TOX: variants seen among roughly 807,000 people sequenced by gnomAD.
TOX encodes the protein thymocyte selection-associated high mobility group box protein TOX.
A neutral mutation model predicts 53.7 loss-of-function variants in TOX; 11 were observed. That is an observed-to-expected ratio of 0.20 (90% CI 0.13 to 0.34). The LOEUF (loss-of-function observed/expected upper bound fraction) is 0.34, where lower values mean the gene tolerates loss of function less well. TOX is among the 10% of genes least tolerant of loss of function. The probability of loss-of-function intolerance (pLI) is 1.00; values close to 1 mark genes in which losing one functional copy is unlikely to be tolerated. For missense variants in TOX, 570 were observed against 664.6 expected (o/e 0.86, Z 1.56); for synonymous variants, 225 against 245.3 (o/e 0.92, Z 0.77).
intron 1 of TOX, among the ~76,000 whole-genome samples, chr8:58,983,627 A>T (rs1262375771): frequency 3.3e-5 from 5 of 152,264 alleles, no homozygotes; most frequent in Non-Finnish European, 5.9e-5. Context: ...ATGAATAAAA[A>T]TAATTAAGCC....
chr8:58,880,592 C>T (rs918274874), intron 3 of TOX, among the ~76,000 whole-genome samples: 1 of 152,164 alleles, frequency 6.6e-6, no homozygotes, highest in Non-Finnish European at 1.5e-5. Context: ...CATTCTCTCT[C>T]TTTCTGCTAG....
chr8:59,093,164 C>T (rs1218506928), intron 1 of TOX, among the ~76,000 whole-genome samples: 1 of 152,224 alleles, frequency 6.6e-6, no homozygotes, highest in Non-Finnish European at 1.5e-5. Context: ...TTAATCCTTT[C>T]TGTTCTTCCT....
In TOX at chr8:59,100,172, A is replaced by C. The variant is rs1804782740; in HGVS notation, c.102+18714T>G. Among the ~76,000 whole-genome samples, 3 of 152,376 alleles carry C rather than the reference A, an allele frequency of 2.0e-5. No individual in the cohort carries two copies. The South Asian group carries it at 6.2e-4, about 32-fold the overall frequency. On this transcript the variant is annotated intron_variant, in intron 1 of 8. Transcript: ENST00000361421. ...AACATCATAATTCTCAGGTTGCTACAGACACAAACACACTATTAATAATGT... is the reference window on the plus strand; with the variant it reads ...AACATCATAATTCTCAGGTTGCTACCGACACAAACACACTATTAATAATGT...
intron 1 of TOX, among the ~76,000 whole-genome samples, chr8:59,051,798 A>C (rs1803795093): frequency 6.6e-6 from 1 of 152,178 alleles, no homozygotes; most frequent in South Asian, 2.1e-4. Context: ...TGATGGAAAA[A>C]GTTGAATTGG....
At chr8:59,012,785 C>T (rs976626644) in intron 1 of TOX, among the ~76,000 whole-genome samples, 1 of 152,060 alleles carries the variant, frequency 6.6e-6, no homozygotes, top group African/African-American at 2.4e-5. Flanking sequence ...GAAGGGGACT[C>T]ACCATCTTTC....
intron 7 of TOX, among the ~76,000 whole-genome samples, chr8:58,812,566 G>A (rs189579151): frequency 6.6e-6 from 1 of 152,262 alleles, no homozygotes; most frequent in East Asian, 1.9e-4. Flanking sequence ...GGCCTTCCTT[G>A]TCCATCCTAG....
At chr8:58,882,362 C>A (rs890216691) in intron 3 of TOX, among the ~76,000 whole-genome samples, 8 of 152,174 alleles carry the variant, frequency 5.3e-5, no homozygotes, top group African/African-American at 1.9e-4. Context: ...ACTGTCACAC[C>A]AAACAACAAT....
chr8:58,819,585 A>G (rs1478150518), intron 6 of TOX, among the ~76,000 whole-genome samples: 2 of 152,230 alleles, frequency 1.3e-5, no homozygotes, highest in African/African-American at 4.8e-5. Flanking sequence ...TGTATAAAGG[A>G]TACAACTCTA....
At chr8:58,857,428 T>G (rs773349291) in intron 3 of TOX, among the ~76,000 whole-genome samples, 38 of 152,210 alleles carry the variant, frequency 2.5e-4, no homozygotes, top group Admixed American at 2.6e-4. Flanking sequence ...AGGTTTCACT[T>G]TTTTGGAAGA....
intron 1 of TOX, among the ~76,000 whole-genome samples, chr8:59,112,118 A>G (rs1805026605): frequency 6.6e-6 from 1 of 152,204 alleles, no homozygotes; most frequent in Non-Finnish European, 1.5e-5. Context: ...GATACCTCCC[A>G]TCAGGAAAGA....
intron 1 of TOX, among the ~76,000 whole-genome samples, chr8:59,092,323 ATATAT>A (rs1248733235): frequency 6.2e-5 from 8 of 128,544 alleles, no homozygotes; most frequent in African/African-American, 2.1e-4. Flanking sequence ...ATATACATAT[ATATAT>A]TATATATTAT....
At chr8:59,001,968 AC>A (rs1253333754) in intron 1 of TOX, among the ~76,000 whole-genome samples, 1 of 131,922 alleles carries the variant, frequency 7.6e-6, no homozygotes, top group Non-Finnish European at 1.6e-5. Context: ...ATACAGAAGT[AC>A]TTTTTTTTTT....
At chr8:59,017,293 T>C (rs543891360) in intron 1 of TOX, among the ~76,000 whole-genome samples, 2 of 152,330 alleles carry the variant, frequency 1.3e-5, no homozygotes, top group East Asian at 3.9e-4. Flanking sequence ...AGAGACCCTG[T>C]CTATGTAAAT....
chr8:58,863,097 T>TA (rs36016179), intron 3 of TOX, among the ~76,000 whole-genome samples: 106 of 152,092 alleles, frequency 7.0e-4, no homozygotes, highest in Admixed American at 1.4e-3. Flanking sequence ...TCTAAAGTGT[T>TA]AAAAAAAATC....
At chr8:59,029,643 T>C (rs1814315455) in intron 1 of TOX, among the ~76,000 whole-genome samples, 1 of 152,186 alleles carries the variant, frequency 6.6e-6, no homozygotes, top group African/African-American at 2.4e-5. Flanking sequence ...ATTAACATTT[T>C]TTAAAATGTG....
intron 1 of TOX, among the ~76,000 whole-genome samples, chr8:59,019,850 C>T (rs764722587): frequency 8.5e-5 from 13 of 152,138 alleles, no homozygotes; most frequent in Non-Finnish European, 1.5e-4. Flanking sequence ...TTCTACAATT[C>T]GGCCATGTAA....
rs752063369 is a variant in TOX at position 58,838,265 on chromosome 8, G to C, written c.740C>G (p.Pro247Arg). 6.2e-7 allele frequency: 1 copy of C among 1,613,960 alleles called. No individual in the cohort carries two copies. The highest frequency in any genetic ancestry group is 1.7e-5 in the Admixed American group (1 of 60,004). Residue 247 changes from proline to arginine, a missense_variant, in exon 5 of 9, where the codon CCA becomes CGA. By Grantham distance (103) the Pro-to-Arg change is moderately radical (BLOSUM62 -2). This residue lies in a region of TOX where 282 missense variants were observed against 315.0 expected (regional missense o/e 0.90). Transcript: ENST00000361421. Reference sequence around the variant, plus strand: ...CTTCTTCTTCTTTTTGGGAGTTTTTGGTTTTTTCCCCATATCAGAGGCAGG... The same window carrying C: ...CTTCTTCTTCTTTTTGGGAGTTTTTCGTTTTTTCCCCATATCAGAGGCAGG... Reference protein sequence around the residue: ...KRPASDMGKKPKTPKKKKKKD... With the variant: ...KRPASDMGKKRKTPKKKKKKD...
In TOX at chr8:59,050,088, C is replaced by T. The variant is rs114259308; in HGVS notation, c.102+68798G>A. Among the ~76,000 whole-genome samples the T allele has an allele frequency of 6.6e-3, 1,006 of 152,256 alleles. 12 individuals carry two copies. Among genetic ancestry groups the T allele is most frequent in the African/African-American group, 0.023 (970 of 41,562 alleles). On this transcript the variant is annotated intron_variant, in intron 1 of 8. Transcript: ENST00000361421. ...TGAGGTTGCTTTGCAGTAACCTATTCCCTTGTGCATTTTCTATCACTGCAC... is the reference window on the plus strand; with the variant it reads ...TGAGGTTGCTTTGCAGTAACCTATTTCCTTGTGCATTTTCTATCACTGCAC...
intron 3 of TOX, among the ~76,000 whole-genome samples, chr8:58,902,607 C>A (rs1811750562): frequency 1.3e-5 from 2 of 152,148 alleles, no homozygotes; most frequent in South Asian, 4.1e-4. Context: ...AAAGATGAAT[C>A]TTATAAGTTT....
Sources: allele counts gnomAD v4.1 joint callset (sites outside exome capture counted in the v4.1 genomes callset), GRCh38; gene constraint gnomAD v4.1.1; regional missense constraint gnomAD v4.1.1; transcripts MANE v1.5; gene names NCBI Gene and HGNC (gene_info 2026-07-23, HGNC 2026-07-21).